The following CAMKMT variants were observed in gnomAD, a reference collection of about 807,000 sequenced individuals.
CAMKMT encodes the protein calmodulin-lysine N-methyltransferase, also known as CaM KMT.
Under a neutral mutation model 48.0 loss-of-function variants are expected in CAMKMT, and 53 were observed. That is an observed-to-expected ratio of 1.10 (90% CI 0.89 to 1.39). CAMKMT has a LOEUF of 1.39. Ranked by LOEUF, CAMKMT falls within the 40% of genes most tolerant of loss-of-function variation. The pLI is 0.00. For synonymous variants in CAMKMT, 165 were observed against 152.3 expected (o/e 1.08, Z -0.61); for missense variants, 428 against 402.7 (o/e 1.06, Z -0.54).
intron 3 of CAMKMT, among the ~76,000 whole-genome samples, chr2:44,527,405 G>A (rs897079): frequency 0.1 from 13,042 of 127,444 alleles, 760 homozygotes; most frequent in Admixed American, 0.2. Context: ...ATGTATATAC[G>A]TATATATATT....
rs570800029 is a variant in CAMKMT, at chr2:44,503,180, A to AT, written c.376+112884dup. On this transcript the variant is annotated intron_variant, in intron 3 of 10. Coordinates refer to ENST00000378494, the MANE Select transcript of CAMKMT (RefSeq NM_024766.5). ...ATTTCTTTTGTTAGTGTAATAACCA[A>AT]TTTTTTTTTCCAGAAATTTAACCTC... 3.7e-3 allele frequency among the ~76,000 whole-genome samples: 563 copies of AT among 151,626 alleles called. 2 individuals are homozygous for AT. Among genetic ancestry groups the AT allele is most frequent in the Non-Finnish European group, 5.8e-3 (396 of 67,836 alleles).
intron 3 of CAMKMT, among the ~76,000 whole-genome samples, chr2:44,581,667 G>C (rs763887002): frequency 6.6e-6 from 1 of 152,200 alleles, no homozygotes; most frequent in Non-Finnish European, 1.5e-5. Flanking sequence ...TATATAAAGA[G>C]CACTGTAAAT....
chr2:44,459,295 A>G (rs1481784919), intron 3 of CAMKMT, among the ~76,000 whole-genome samples: 1 of 152,194 alleles, frequency 6.6e-6, no homozygotes, highest in Non-Finnish European at 1.5e-5. Context: ...CATTTTATGT[A>G]TACCTCAAAT....
chr2:44,644,946 G>T (rs924287332), intron 3 of CAMKMT, among the ~76,000 whole-genome samples: 4 of 152,142 alleles, frequency 2.6e-5, no homozygotes, highest in Admixed American at 6.5e-5. Flanking sequence ...CAAGAGTTCT[G>T]TCGTTCTCTC....
chr2:44,723,599 A>AATAAATACATAC, intron 7 of CAMKMT: 1 of 104,782 alleles, frequency 9.5e-6, no homozygotes, highest in African/African-American at 4.9e-5. Flanking sequence ...AAAATAAATA[A>AATAAATACATAC]ATACATACAT....
At chr2:44,562,686 G>A (rs1015021013) in intron 3 of CAMKMT, among the ~76,000 whole-genome samples, 4 of 152,032 alleles carry the variant, frequency 2.6e-5, no homozygotes, top group Admixed American at 6.5e-5. Context: ...TCAGCCTCCC[G>A]AGTAGCTAGG....
chr2:44,433,564 TA>T lies in CAMKMT; in HGVS notation c.376+43266del, dbSNP rs1197677536. Among the ~76,000 whole-genome samples, 4 of 152,136 alleles carry T rather than the reference TA, an allele frequency of 2.6e-5. No individual in the cohort carries two copies. The East Asian group carries it at 7.7e-4, about 29-fold the overall frequency. ...GTAACACTTTTTGCTTAGTCTAAAT[TA>T]AAAAAAGTCTTAAGTTTTATTTTTG... On this transcript the variant is annotated intron_variant, in intron 3 of 10. Transcript: ENST00000378494.
intron 7 of CAMKMT, 148 bp downstream of exon 7, chr2:44,715,501 A>C: frequency 9.8e-6 from 6 of 612,976 alleles, no homozygotes; most frequent in Non-Finnish European, 1.5e-5. Flanking sequence ...GTATTATCTC[A>C]TTTAATGCTC....
At chr2:44,623,266 C>T (rs748976083) in intron 3 of CAMKMT, among the ~76,000 whole-genome samples, 1 of 151,962 alleles carries the variant, frequency 6.6e-6, no homozygotes, top group East Asian at 1.9e-4. Flanking sequence ...TTCTCCATTC[C>T]GTAGGCTGTC....
chr2:44,391,889 G>T (rs1269274963), intron 3 of CAMKMT: 1 of 152,716 alleles, frequency 6.5e-6, no homozygotes, highest in Non-Finnish European at 1.5e-5. Context: ...TGGTAGAAAG[G>T]TTTAAGACTT....
intron 3 of CAMKMT, among the ~76,000 whole-genome samples, chr2:44,413,497 C>G (rs918940608): frequency 1.3e-5 from 2 of 151,780 alleles, no homozygotes; most frequent in African/African-American, 4.8e-5. Context: ...ACTAAAAATA[C>G]AAAAATTAGC....
intron 1 of CAMKMT, among the ~76,000 whole-genome samples, chr2:44,364,130 T>A (rs1678341550): frequency 6.7e-6 from 1 of 149,688 alleles, no homozygotes; most frequent in African/African-American, 2.5e-5. Context: ...ATTACAGGGG[T>A]ATGCCATGAT....
chr2:44,572,313 C>T (rs997660658), intron 3 of CAMKMT, among the ~76,000 whole-genome samples: 4 of 152,162 alleles, frequency 2.6e-5, no homozygotes, highest in African/African-American at 9.7e-5. Context: ...TCCCAAAGTG[C>T]TGGGATTACA....
At chr2:44,681,537 C>G (rs1209088397) in intron 3 of CAMKMT, among the ~76,000 whole-genome samples, 1 of 149,408 alleles carries the variant, frequency 6.7e-6, no homozygotes, top group Non-Finnish European at 1.5e-5. Flanking sequence ...AAGCTCTTAC[C>G]AGCTTTTTTT....
At chr2:44,439,765 G>C (rs545979947) in intron 3 of CAMKMT, among the ~76,000 whole-genome samples, 1 of 151,620 alleles carries the variant, frequency 6.6e-6, no homozygotes, top group East Asian at 1.9e-4. Context: ...ATGAACCCGG[G>C]AGAGCAAGAC....
At chr2:44,731,347 C>T (rs1182054475) in intron 7 of CAMKMT, among the ~76,000 whole-genome samples, 2 of 151,288 alleles carry the variant, frequency 1.3e-5, no homozygotes, top group East Asian at 1.9e-4. Context: ...TCTCAGAAAA[C>T]AAACAAACAA....
At chr2:44,427,306 G>T (rs1042012942) in intron 3 of CAMKMT, among the ~76,000 whole-genome samples, 4 of 152,058 alleles carry the variant, frequency 2.6e-5, no homozygotes, top group African/African-American at 9.7e-5. Context: ...ATTGACAATT[G>T]GTCCTAATTA....
At position 44,616,537 on chromosome 2, in the gene CAMKMT, TA is replaced by T. The variant is rs67605934; in HGVS notation, c.377-87745del. On this transcript the variant is annotated intron_variant, in intron 3 of 10. Coordinates refer to ENST00000378494, the MANE Select transcript of CAMKMT (RefSeq NM_024766.5). The stretch of plus-strand genomic sequence containing the variant: ...ACTAATAGAACAACCTTTAACAATA[TA>T]TTTTTTTGATTCACCAGAAAAGGTG... Among the ~76,000 whole-genome samples, 344 of 41,054 alleles carry T rather than the reference TA, an allele frequency of 8.4e-3. 2 individuals are homozygous for T. Among genetic ancestry groups the T allele is most frequent in the African/African-American group, 0.015 (321 of 22,100 alleles). The allele number at this position is 41,054 out of a possible 152,430, so 26.9% of individuals were successfully genotyped here. A position where few individuals can be genotyped will look rare whatever the true frequency, so the allele number is the denominator to read the frequency against.
chr2:44,715,859 A>C (rs963265657), intron 7 of CAMKMT, among the ~76,000 whole-genome samples: 2 of 152,214 alleles, frequency 1.3e-5, no homozygotes, highest in African/African-American at 4.8e-5. Flanking sequence ...ACAAAGAAAC[A>C]TCTGGCCCAG....
Sources: allele counts gnomAD v4.1 joint callset (sites outside exome capture counted in the v4.1 genomes callset), GRCh38; gene constraint gnomAD v4.1.1; transcripts MANE v1.5; gene names NCBI Gene and HGNC (gene_info 2026-07-23, HGNC 2026-07-21).